The following CDH18 variants were observed in gnomAD, a reference collection of about 807,000 sequenced individuals.
The protein encoded by CDH18 is cadherin-18.
In CDH18, 31 loss-of-function variants were observed where a neutral mutation model predicts 67.9. That is an observed-to-expected ratio of 0.46 (90% CI 0.34 to 0.62). CDH18 has a LOEUF of 0.62. Among genes scored for constraint, CDH18 ranks in the 20% least tolerant of loss-of-function variants. CDH18 has a pLI of 0.01. For missense variants in CDH18, 890 were observed against 975.5 expected, an observed-to-expected ratio of 0.91 and a Z score of 1.17; for synonymous variants, 362 against 347.2, an observed-to-expected ratio of 1.04 and a Z score of -0.48.
At chr5:20,061,051 C>T (rs915047132) in intron 2 of CDH18, among the ~76,000 whole-genome samples, 3 of 151,728 alleles carry the variant, frequency 2.0e-5, no homozygotes, top group African/African-American at 7.3e-5. Context: ...GCAAATAATT[C>T]TGAGAAATAT....
At chr5:20,570,490 G>A (rs1758755448) in intron 1 of CDH18, among the ~76,000 whole-genome samples, 1 of 152,140 alleles carries the variant, frequency 6.6e-6, no homozygotes, top group Admixed American at 6.5e-5. Context: ...GGTGAGAATG[G>A]ATAACTTTTA....
intron 3 of CDH18, among the ~76,000 whole-genome samples, chr5:19,830,541 G>A (rs114287704): frequency 6.6e-6 from 1 of 152,018 alleles, no homozygotes; most frequent in Non-Finnish European, 1.5e-5. Context: ...AATAAAAAAT[G>A]ATGACAAGGT....
chr5:19,862,766 C>T (rs1161727059), intron 2 of CDH18, among the ~76,000 whole-genome samples: 1 of 152,146 alleles, frequency 6.6e-6, no homozygotes, highest in Non-Finnish European at 1.5e-5. Flanking sequence ...AACCACAGGT[C>T]GTAGTCCAAA....
At chr5:20,378,538 T>A (rs4866052) in intron 1 of CDH18, among the ~76,000 whole-genome samples, 23 of 152,302 alleles carry the variant, frequency 1.5e-4, no homozygotes, top group Admixed American at 4.6e-4. Context: ...GAGTGCTGTA[T>A]CACTATATTG....
intron 2 of CDH18, among the ~76,000 whole-genome samples, chr5:20,241,890 A>ATGTG (rs1554106516): frequency 1.4e-5 from 1 of 69,940 alleles, no homozygotes; most frequent in African/African-American, 5.4e-5. Context: ...ATATATATAT[A>ATGTG]TGTATATATA....
intron 3 of CDH18, among the ~76,000 whole-genome samples, chr5:19,754,703 T>C (rs1014048519): frequency 6.6e-6 from 1 of 152,074 alleles, no homozygotes; most frequent in African/African-American, 2.4e-5. Context: ...ACGGCTGCAA[T>C]ATACACATTC....
At chr5:20,272,793 G>A (rs970963877) in intron 1 of CDH18, among the ~76,000 whole-genome samples, 3 of 151,844 alleles carry the variant, frequency 2.0e-5, no homozygotes, top group African/African-American at 7.3e-5. Flanking sequence ...ATAATAATAA[G>A]TAAAATAATT....
At chr5:20,511,789 A>G (rs555343631) in intron 1 of CDH18, among the ~76,000 whole-genome samples, 2 of 152,166 alleles carry the variant, frequency 1.3e-5, no homozygotes, top group African/African-American at 4.8e-5. Flanking sequence ...TCAGAGTTCA[A>G]TGTGTTCATT....
chr5:20,172,189 T>TGTGTATATATATATATAC (rs1490950939), intron 2 of CDH18, among the ~76,000 whole-genome samples: 13 of 39,508 alleles, frequency 3.3e-4, no homozygotes, highest in Non-Finnish European at 5.9e-4. Flanking sequence ...TAGCATTGTG[T>TGTGTATATATATATATAC]GTATATATAT....
intron 3 of CDH18, among the ~76,000 whole-genome samples, chr5:19,835,052 G>A (rs190785640): frequency 1.3e-5 from 2 of 152,134 alleles, no homozygotes; most frequent in Non-Finnish European, 2.9e-5. Flanking sequence ...AATCATTCTA[G>A]TATAAAGACA....
chr5:20,249,946 G>A (rs1440295209), intron 2 of CDH18, among the ~76,000 whole-genome samples: 3 of 151,794 alleles, frequency 2.0e-5, no homozygotes, highest in East Asian at 1.9e-4. Context: ...TTTTAAGGTT[G>A]TAAATTGAGA....
At chr5:19,694,760 T>C (rs544275221) in intron 5 of CDH18, among the ~76,000 whole-genome samples, 10 of 151,980 alleles carry the variant, frequency 6.6e-5, no homozygotes, top group African/African-American at 1.9e-4. Flanking sequence ...GTTTATTGAA[T>C]GTTAGTGATG....
At chr5:20,170,774 G>GT (rs1736637804) in intron 2 of CDH18, among the ~76,000 whole-genome samples, 1 of 151,764 alleles carries the variant, frequency 6.6e-6, no homozygotes, top group Non-Finnish European at 1.5e-5. Flanking sequence ...ATGTCACAGG[G>GT]TTTTTTGTAC....
At chr5:19,943,820 A>G (rs1272487692) in intron 2 of CDH18, among the ~76,000 whole-genome samples, 1 of 152,098 alleles carries the variant, frequency 6.6e-6, no homozygotes. Flanking sequence ...AATATACCCA[A>G]TGCTGTGCTA....
intron 5 of CDH18, among the ~76,000 whole-genome samples, chr5:19,665,183 C>G (rs895748458): frequency 2.0e-5 from 3 of 151,858 alleles, no homozygotes; most frequent in South Asian, 2.1e-4. Context: ...GTGTGAAATA[C>G]TACATTATAA....
In CDH18 at chr5:20,352,067, C is replaced by T. The variant is rs138041653; in HGVS notation, c.-579-96562G>A. Among the ~76,000 whole-genome samples, 12 of 152,258 alleles carry T rather than the reference C, an allele frequency of 7.9e-5. No homozygotes were observed. In the East Asian group the frequency reaches 2.3e-3, roughly 30 times the overall value. On this transcript the variant is annotated intron_variant, in intron 1 of 14. Transcript: ENST00000507958. ...ATCTTATTCAGCAAAAAATCTGCATCAATCATTTATGCAAGTGATCCAAAT... is the reference window on the plus strand; with the variant it reads ...ATCTTATTCAGCAAAAAATCTGCATTAATCATTTATGCAAGTGATCCAAAT...
At chr5:19,921,314 G>T (rs1422700648) in intron 2 of CDH18, among the ~76,000 whole-genome samples, 1 of 152,044 alleles carries the variant, frequency 6.6e-6, no homozygotes, top group Non-Finnish European at 1.5e-5. Flanking sequence ...GGCGGATCAC[G>T]AGGTCAGGAG....
intron 1 of CDH18, among the ~76,000 whole-genome samples, chr5:20,326,253 G>T (rs1458931704): frequency 6.6e-6 from 1 of 152,140 alleles, no homozygotes; most frequent in Non-Finnish European, 1.5e-5. Flanking sequence ...TGACTCTAAT[G>T]TGCAAACAAA....
intron 5 of CDH18, among the ~76,000 whole-genome samples, chr5:19,642,213 C>T (rs1009901421): frequency 9.9e-5 from 15 of 151,862 alleles, no homozygotes; most frequent in East Asian, 1.9e-4. Flanking sequence ...CATATACCCA[C>T]GGATTAGAAG....
Sources: allele counts gnomAD v4.1 joint callset (sites outside exome capture counted in the v4.1 genomes callset), GRCh38; gene constraint gnomAD v4.1.1; transcripts MANE v1.5; gene names NCBI Gene and HGNC (gene_info 2026-07-23, HGNC 2026-07-21).